The following KITLG variants were observed in gnomAD, a reference collection of about 807,000 sequenced individuals.
KITLG encodes KIT ligand.
In KITLG, 13 loss-of-function variants were observed where a neutral mutation model predicts 34.1. The ratio of observed to expected loss-of-function variants is 0.38; its 90% CI spans 0.25 to 0.61. KITLG has a LOEUF of 0.61. KITLG is among the 20% of genes least tolerant of loss of function. KITLG has a pLI of 0.60. For missense variants in KITLG, 292 were observed against 318.9 expected (o/e 0.92, Z 0.64); for synonymous variants, 110 against 104.0 (o/e 1.06, Z -0.35).
rs987737160 is a variant in KITLG at position 88,566,425 on chromosome 12, T to C, written c.15+13839A>G. ...GGTAAGTAAAAAAATAACTTCAATA[T>C]AATGTGATAAGTGATATGATTGTTT... is the stretch of plus-strand genomic sequence containing the variant. On this transcript the variant is annotated intron_variant, in intron 1 of 9. Transcript: ENST00000644744. Among the ~76,000 whole-genome samples, 23 of 152,302 alleles carry C rather than the reference T, an allele frequency of 1.5e-4. 1 individual carries two copies. The highest frequency in any genetic ancestry group is 6.8e-3 in the Middle Eastern group (2 of 294).
At chr12:88,518,621 T>C in intron 4 of KITLG, 76 bp downstream of exon 4, 1 of 1,177,940 alleles carries the variant, frequency 8.5e-7, no homozygotes, top group Non-Finnish European at 1.3e-6. Context: ...GGTGCCTCAT[T>C]TTCCCCAACA....
At chr12:88,557,649 A>G (rs1871140766) in intron 1 of KITLG, among the ~76,000 whole-genome samples, 1 of 152,184 alleles carries the variant, frequency 6.6e-6, no homozygotes, top group Admixed American at 6.5e-5. Context: ...TAAGTTAGCT[A>G]GGTTTATATA....
chr12:88,572,595 T>TTATATA (rs58146008), intron 1 of KITLG, among the ~76,000 whole-genome samples: 5,337 of 134,766 alleles, frequency 0.04, 139 homozygotes, highest in African/African-American at 0.071. Context: ...ATATACATTA[T>TTATATA]TATATATATA....
intron 1 of KITLG, among the ~76,000 whole-genome samples, chr12:88,559,621 C>G (rs1871230858): frequency 6.6e-6 from 1 of 152,060 alleles, no homozygotes; most frequent in Non-Finnish European, 1.5e-5. Context: ...GGGAAAAAGC[C>G]CAGTAATTAA....
chr12:88,511,680 T>A (rs1285106851), intron 6 of KITLG, among the ~76,000 whole-genome samples: 1 of 151,908 alleles, frequency 6.6e-6, no homozygotes, highest in East Asian at 1.9e-4. Context: ...TAAAAAAAAA[T>A]AACCAAACAC....
At chr12:88,518,949 G>A (rs1468086949) in intron 3 of KITLG, 82 bp from the exon 4 acceptor site, 26 of 1,249,338 alleles carry the variant, frequency 2.1e-5, no homozygotes, top group South Asian at 6.3e-5. Context: ...CAAAGCTATC[G>A]TTTTAGTTAC....
Position 88,505,160 on chromosome 12 carries a change from A to G in KITLG, c.*36T>C. The G allele has an allele frequency of 6.6e-7, 1 of 1,514,478 alleles. No homozygotes were observed. Among genetic ancestry groups the G allele is most frequent in the Non-Finnish European group, 9.1e-7 (1 of 1,093,992 alleles). The allele number at this position is 1,514,478 out of a possible 1,614,324, so 93.8% of individuals were successfully genotyped here. A position where few individuals can be genotyped will look rare whatever the true frequency, so the allele number is the denominator to read the frequency against. On this transcript the variant is annotated splice_region_variant and 3_prime_UTR_variant, in exon 9 of 10. Transcript: ENST00000644744. Reference sequence around the variant, plus strand: ...AAAGGAAAGAAGAAAAAAACTTACCAATGTACGAAAGTAACAGTGTTGATA... The same window carrying G: ...AAAGGAAAGAAGAAAAAAACTTACCGATGTACGAAAGTAACAGTGTTGATA...
intron 3 of KITLG, among the ~76,000 whole-genome samples, chr12:88,521,992 A>G (rs190968451): frequency 3.9e-5 from 6 of 152,266 alleles, no homozygotes; most frequent in Admixed American, 3.3e-4. Flanking sequence ...ACCACTGACA[A>G]TTCAGTCAAA....
At chr12:88,542,662 T>A (rs545435459) in intron 2 of KITLG, among the ~76,000 whole-genome samples, 3 of 151,644 alleles carry the variant, frequency 2.0e-5, no homozygotes, top group African/African-American at 7.3e-5. Flanking sequence ...ACACACACAC[T>A]CTATAAACAT....
chr12:88,564,861 C>A (rs1015556206), intron 1 of KITLG, among the ~76,000 whole-genome samples: 1 of 152,094 alleles, frequency 6.6e-6, no homozygotes, highest in Non-Finnish European at 1.5e-5. Flanking sequence ...AAAGTACATG[C>A]AATATCTGTA....
chr12:88,523,147 T>G (rs955057315), intron 3 of KITLG, among the ~76,000 whole-genome samples: 2 of 152,210 alleles, frequency 1.3e-5, no homozygotes, highest in African/African-American at 4.8e-5. Flanking sequence ...GGGCACGAAG[T>G]GTACCTTTCT....
At position 88,549,463 on chromosome 12, in the gene KITLG, C is replaced by T. The variant is rs370607574; in HGVS notation, c.16-3598G>A. Among the ~76,000 whole-genome samples, 20 of 152,222 alleles carry T rather than the reference C, an allele frequency of 1.3e-4. 1 individual carries two copies. In the East Asian group the frequency reaches 3.5e-3, roughly 26 times the overall value. On this transcript the variant is annotated intron_variant, in intron 1 of 9. Coordinates refer to ENST00000644744, the MANE Select transcript of KITLG (RefSeq NM_000899.5). ...TGACTGAAAGTGGTTAGATTCTGGA[C>T]ATCTTCTGAAGGCTGAACCATGAGA...
At chr12:88,534,686 C>A in intron 2 of KITLG, 1 of 515,500 alleles carries the variant, frequency 1.9e-6, no homozygotes, top group South Asian at 1.4e-5. Flanking sequence ...TTATTGAAAA[C>A]ACACCTGAGC....
intron 6 of KITLG, among the ~76,000 whole-genome samples, chr12:88,514,031 T>C (rs1048567007): frequency 1.3e-5 from 2 of 151,548 alleles, no homozygotes; most frequent in Non-Finnish European, 3.0e-5. Context: ...CTAGTAACAA[T>C]AAGATATATA....
chr12:88,569,868 G>A (rs1178610705), intron 1 of KITLG, among the ~76,000 whole-genome samples: 2 of 152,014 alleles, frequency 1.3e-5, no homozygotes, highest in East Asian at 1.9e-4. Context: ...AAAATCTTGC[G>A]ATATTAATGC....
chr12:88,503,778 C>G (rs1469079490), intron 9 of KITLG, among the ~76,000 whole-genome samples: 1 of 152,122 alleles, frequency 6.6e-6, no homozygotes, highest in African/African-American at 2.4e-5. Context: ...CGTTTATGTT[C>G]CGTGCATCCT....
chr12:88,556,003 C>A (rs1364258929), intron 1 of KITLG, among the ~76,000 whole-genome samples: 2 of 151,776 alleles, frequency 1.3e-5, no homozygotes, highest in Admixed American at 6.6e-5. Context: ...GGGAGGGGGG[C>A]ATTTGGGGGA....
At chr12:88,525,028 G>C (rs533899505) in intron 3 of KITLG, among the ~76,000 whole-genome samples, 1 of 152,108 alleles carries the variant, frequency 6.6e-6, no homozygotes. Context: ...CAACCAGAAC[G>C]TTCCTCCCCA....
intron 1 of KITLG, among the ~76,000 whole-genome samples, chr12:88,546,846 TA>T (rs1870736789): frequency 6.6e-6 from 1 of 152,042 alleles, no homozygotes; most frequent in South Asian, 2.1e-4. Flanking sequence ...GGCAGGTAAA[TA>T]AATAACACTC....
Sources: allele counts gnomAD v4.1 joint callset (sites outside exome capture counted in the v4.1 genomes callset), GRCh38; gene constraint gnomAD v4.1.1; transcripts MANE v1.5; gene names NCBI Gene and HGNC (gene_info 2026-07-23, HGNC 2026-07-21).